The following CADM2 variants were observed in gnomAD, a reference collection of about 807,000 sequenced individuals.
CADM2 encodes cell adhesion molecule 2, also known as immunoglobulin superfamily member 4D.
Under a neutral mutation model 49.8 loss-of-function variants are expected in CADM2, and 12 were observed. The observed-to-expected ratio is 0.24, with a 90% CI of 0.15 to 0.39. The LOEUF is 0.39. Among genes scored for constraint, CADM2 ranks in the 10% least tolerant of loss-of-function variants. CADM2 has a pLI of 1.00. For synonymous variants in CADM2, 214 were observed against 175.4 expected, an observed-to-expected ratio of 1.22 and a Z score of -1.74; for missense variants, 378 against 492.3, an observed-to-expected ratio of 0.77 and a Z score of 2.20.
chr3:86,063,976 G>T (rs916437112), intron 8 of CADM2, among the ~76,000 whole-genome samples: 4 of 151,972 alleles, frequency 2.6e-5, no homozygotes, highest in Non-Finnish European at 5.9e-5. Flanking sequence ...TCTATAAAGA[G>T]CTAATTTTCC....
At chr3:85,356,937 A>G (rs1430644381) in intron 1 of CADM2, among the ~76,000 whole-genome samples, 1 of 152,140 alleles carries the variant, frequency 6.6e-6, no homozygotes, top group African/African-American at 2.4e-5. Context: ...ACATGATATC[A>G]CTGACCTTCC....
chr3:85,320,701 G>C (rs544346849), intron 1 of CADM2, among the ~76,000 whole-genome samples: 1 of 152,168 alleles, frequency 6.6e-6, no homozygotes, highest in South Asian at 2.1e-4. Flanking sequence ...TCCAATGTCA[G>C]CAATCCCTTA....
chr3:85,112,876 A>G (rs2107573652), intron 1 of CADM2, among the ~76,000 whole-genome samples: 1 of 151,880 alleles, frequency 6.6e-6, no homozygotes, highest in South Asian at 2.1e-4. Flanking sequence ...AACAGCTCAG[A>G]TAATATATAC....
intron 1 of CADM2, among the ~76,000 whole-genome samples, chr3:85,071,019 T>TAAATAAATAAATAAATAAAC (rs1052439937): frequency 2.3e-4 from 35 of 149,766 alleles, no homozygotes; most frequent in African/African-American, 8.0e-4. Context: ...AATAAATAAA[T>TAAATAAATAAATAAATAAAC]AAACAAATAA....
intron 2 of CADM2, among the ~76,000 whole-genome samples, chr3:85,791,033 CAACTT>C (rs1216571142): frequency 4.6e-5 from 7 of 152,130 alleles, no homozygotes; most frequent in African/African-American, 1.7e-4. Context: ...GGACAGCAGA[CAACTT>C]AAAGTCTTTC....
intron 1 of CADM2, among the ~76,000 whole-genome samples, chr3:85,046,250 T>G (rs964144318): frequency 6.6e-6 from 1 of 151,832 alleles, no homozygotes; most frequent in African/African-American, 2.4e-5. Flanking sequence ...CCAAAATGCA[T>G]ACAAAGGTTC....
intron 1 of CADM2, among the ~76,000 whole-genome samples, chr3:85,323,057 A>G (rs2107114907): frequency 6.6e-6 from 1 of 152,262 alleles, no homozygotes; most frequent in South Asian, 2.1e-4. Flanking sequence ...GAAAAATTGG[A>G]CAAAACTGTT....
At chr3:85,434,709 A>T (rs2036844398) in intron 1 of CADM2, among the ~76,000 whole-genome samples, 1 of 152,124 alleles carries the variant, frequency 6.6e-6, no homozygotes, top group Admixed American at 6.6e-5. Flanking sequence ...CTTTGAAGTC[A>T]ATTTTAATAT....
chr3:85,826,521 T>C (rs1468157908), intron 3 of CADM2, among the ~76,000 whole-genome samples: 2 of 152,046 alleles, frequency 1.3e-5, no homozygotes, highest in Non-Finnish European at 2.9e-5. Context: ...GAGATTGTTT[T>C]AATAGGCAGA....
At chr3:85,576,674 A>G (rs2062641331) in intron 1 of CADM2, among the ~76,000 whole-genome samples, 1 of 152,130 alleles carries the variant, frequency 6.6e-6, no homozygotes, top group Admixed American at 6.5e-5. Context: ...TTAATGTTAT[A>G]ATTTTTCAAA....
At chr3:85,074,117 C>T (rs940134331) in intron 1 of CADM2, among the ~76,000 whole-genome samples, 1 of 152,074 alleles carries the variant, frequency 6.6e-6, no homozygotes, top group African/African-American at 2.4e-5. Flanking sequence ...CCAGAGCTCC[C>T]GTTACCACTT....
chr3:85,044,316 C>T (rs2035563739), intron 1 of CADM2, among the ~76,000 whole-genome samples: 1 of 152,104 alleles, frequency 6.6e-6, no homozygotes, highest in Non-Finnish European at 1.5e-5. Flanking sequence ...CCCCCTACCC[C>T]CCACCATAAA....
intron 1 of CADM2, among the ~76,000 whole-genome samples, chr3:84,995,418 A>G (rs1273127130): frequency 6.6e-6 from 1 of 152,210 alleles, no homozygotes; most frequent in African/African-American, 2.4e-5. Flanking sequence ...TGTGTGCATT[A>G]AGAGAGAATT....
At chr3:85,593,582 A>G (rs565252313) in intron 1 of CADM2, among the ~76,000 whole-genome samples, 10 of 152,148 alleles carry the variant, frequency 6.6e-5, no homozygotes, top group Admixed American at 1.3e-4. Context: ...AATGTGTAAG[A>G]GGCATTATCG....
chr3:85,962,495 C>G (rs1041218008), intron 8 of CADM2, among the ~76,000 whole-genome samples: 1 of 151,106 alleles, frequency 6.6e-6, no homozygotes, highest in Non-Finnish European at 1.5e-5. Flanking sequence ...GTAAATATAA[C>G]AAAATCACAG....
intron 1 of CADM2, among the ~76,000 whole-genome samples, chr3:85,082,703 T>C (rs1360857882): frequency 6.6e-6 from 1 of 152,126 alleles, no homozygotes; most frequent in Non-Finnish European, 1.5e-5. Context: ...TTAGGGGTCT[T>C]ATTGCAAGGG....
chr3:85,897,077 A>C (rs1382583976), intron 5 of CADM2, among the ~76,000 whole-genome samples: 1 of 152,066 alleles, frequency 6.6e-6, no homozygotes, highest in African/African-American at 2.4e-5. Context: ...TTAGGAAAGA[A>C]AGGAAGGGGC....
At chr3:85,918,350 G>A (rs574102186) in intron 6 of CADM2, among the ~76,000 whole-genome samples, 27 of 152,144 alleles carry the variant, frequency 1.8e-4, no homozygotes, top group Non-Finnish European at 2.6e-4. Context: ...TTTATTGTGA[G>A]TTTTTAACAT....
chr3:85,755,016 A>G (rs1462702401), intron 2 of CADM2, among the ~76,000 whole-genome samples: 2 of 152,226 alleles, frequency 1.3e-5, no homozygotes, highest in African/African-American at 2.4e-5. Flanking sequence ...TAATAACTTA[A>G]CCATATTTGA....
Sources: allele counts gnomAD v4.1 joint callset (sites outside exome capture counted in the v4.1 genomes callset), GRCh38; gene constraint gnomAD v4.1.1; transcripts MANE v1.5; gene names NCBI Gene and HGNC (gene_info 2026-07-23, HGNC 2026-07-21).